Variants in SHANK2 observed in about 807,000 individuals in gnomAD.
SHANK2 encodes the protein SH3 and multiple ankyrin repeat domains protein 2.
In SHANK2, 43 loss-of-function variants were observed where a neutral mutation model predicts 133.7. That is an observed-to-expected ratio of 0.32 (90% CI 0.25 to 0.41). The LOEUF (loss-of-function observed/expected upper bound fraction) is 0.41, where lower values mean the gene tolerates loss of function less well. SHANK2 is among the 10% of genes least tolerant of loss of function. The pLI is 1.00. For missense variants in SHANK2, 1,994 were observed against 2,235.8 expected, an observed-to-expected ratio of 0.89 and a Z score of 2.18; for synonymous variants, 1,017 against 952.8, an observed-to-expected ratio of 1.07 and a Z score of -1.24.
At chr11:70,915,486 C>T (rs913217458) in intron 10 of SHANK2, among the ~76,000 whole-genome samples, 9 of 152,150 alleles carry the variant, frequency 5.9e-5, no homozygotes, top group South Asian at 4.2e-4. Context: ...TGGGAAGGGA[C>T]GGTGCCATCC....
intron 10 of SHANK2, among the ~76,000 whole-genome samples, chr11:70,928,295 A>G (rs118097249): frequency 0.015 from 2,328 of 152,252 alleles, 46 homozygotes; most frequent in Admixed American, 0.032. Flanking sequence ...AAAGGCTTGT[A>G]TGCTTGAAGG....
Position 70,535,412 on chromosome 11 carries a change from TCATC to T in SHANK2, c.2062-32485_2062-32482del, listed in dbSNP as rs1230366339. Among the ~76,000 whole-genome samples the T allele has an allele frequency of 6.6e-6, 1 of 151,786 alleles. No homozygotes were observed. Among genetic ancestry groups the T allele is most frequent in the Non-Finnish European group, 1.5e-5 (1 of 67,930 alleles). ...TCTAACCAGTCCATCCATTTATCCA[TCATC>T]CATCCATCCATCCATCTGCCATCAT... On this transcript the variant is annotated intron_variant, in intron 17 of 25. Transcript: ENST00000601538. The surrounding 1 kb of genome is among the most constrained non-coding windows in gnomAD (Gnocchi z 4.3).
intron 8 of SHANK2, among the ~76,000 whole-genome samples, chr11:71,080,338 G>A (rs997955878): frequency 6.6e-5 from 10 of 151,948 alleles, no homozygotes; most frequent in South Asian, 2.1e-4. Flanking sequence ...CGTCCCACCC[G>A]CCCTGTGCAA....
chr11:71,246,450 T>TATGCA lies in SHANK2; in HGVS notation c.-113+5974_-113+5975insTGCAT, dbSNP rs1555125017. On this transcript the variant is annotated intron_variant, in intron 1 of 25. Coordinates refer to ENST00000601538, the MANE Select transcript of SHANK2 (RefSeq NM_012309.5). ...CCTGGCAGTATGCAGAGCACACACC[T>TATGCA]GGCATCACATGTCACTGCCTTCACG... Among the ~76,000 whole-genome samples, 11 of 152,302 alleles carry TATGCA rather than the reference T, an allele frequency of 7.2e-5. No homozygotes were observed. The East Asian group carries it at 9.7e-4, about 13-fold the overall frequency.
intron 14 of SHANK2, among the ~76,000 whole-genome samples, chr11:70,724,040 T>A (rs1392237451): frequency 3.7e-5 from 1 of 26,846 alleles, no homozygotes; most frequent in Non-Finnish European, 6.6e-5. Flanking sequence ...AAGTTCATTC[T>A]TTTTTTTTTT....
At chr11:70,573,921 G>C (rs2060082831) in intron 17 of SHANK2, among the ~76,000 whole-genome samples, 1 of 152,206 alleles carries the variant, frequency 6.6e-6, no homozygotes, top group Non-Finnish European at 1.5e-5. Flanking sequence ...TGTGGTCTTG[G>C]GCTCCACACC....
intron 17 of SHANK2, chr11:70,647,291 G>A (rs782399577): frequency 1.3e-5 from 2 of 152,130 alleles, no homozygotes; most frequent in African/African-American, 2.4e-5. Flanking sequence ...TGTTCCTTCC[G>A]GCTTTCTGCC....
chr11:70,831,369 CCCCCAAATGAA>C (rs1948722329), intron 11 of SHANK2, among the ~76,000 whole-genome samples: 1 of 152,064 alleles, frequency 6.6e-6, no homozygotes, highest in South Asian at 2.1e-4. Context: ...AAAAGGGTCA[CCCCCAAATGAA>C]CCCCAAACTC....
At chr11:70,637,676 C>T (rs141903532) in intron 17 of SHANK2, among the ~76,000 whole-genome samples, 22 of 152,366 alleles carry the variant, frequency 1.4e-4, no homozygotes, top group African/African-American at 5.3e-4. Context: ...GGCTGGCGCC[C>T]TGGCGAGGGG....
chr11:70,635,968 C>G (rs2061073717), intron 17 of SHANK2, among the ~76,000 whole-genome samples: 1 of 152,264 alleles, frequency 6.6e-6, no homozygotes, highest in Non-Finnish European at 1.5e-5. Context: ...TCCACCCCTC[C>G]CGAATGTTCC....
At chr11:70,757,248 C>G (rs1035668991) in intron 14 of SHANK2, among the ~76,000 whole-genome samples, 1 of 152,242 alleles carries the variant, frequency 6.6e-6, no homozygotes, top group Non-Finnish European at 1.5e-5. Context: ...CATTTATGAG[C>G]TGGCTGACCT....
intron 10 of SHANK2, chr11:70,933,299 G>A (rs782643969): frequency 2.2e-6 from 1 of 454,846 alleles, no homozygotes; most frequent in South Asian, 1.6e-5. Flanking sequence ...AAACTTAAAT[G>A]AGCTCCCTAA....
At chr11:71,109,874 G>A (rs1951864915) in intron 6 of SHANK2, 67 bp downstream of exon 6, 1 of 937,666 alleles carries the variant, frequency 1.1e-6, no homozygotes, top group Admixed American at 2.0e-5. Context: ...CAGGTAGCCT[G>A]AGCAGTGGGC....
At chr11:70,872,982 A>G (rs1555070475) in intron 11 of SHANK2, 1 of 471,170 alleles carries the variant, frequency 2.1e-6, no homozygotes, top group African/African-American at 2.0e-5. Flanking sequence ...CCCAAACATT[A>G]CAAAAGCTAA....
At chr11:70,735,404 A>T (rs1276768881) in intron 14 of SHANK2, among the ~76,000 whole-genome samples, 1 of 152,134 alleles carries the variant, frequency 6.6e-6, no homozygotes, top group Non-Finnish European at 1.5e-5. Flanking sequence ...CTCACCCAGC[A>T]TGATAGAAAA....
intron 24 of SHANK2, among the ~76,000 whole-genome samples, chr11:70,488,860 G>C (rs900583798): frequency 6.6e-6 from 1 of 152,234 alleles, no homozygotes. Flanking sequence ...ACAGCCAGCA[G>C]GGTGGCCTGA....
chr11:70,773,833 T>C (rs1379826917), intron 14 of SHANK2, among the ~76,000 whole-genome samples: 2 of 152,202 alleles, frequency 1.3e-5, no homozygotes, highest in African/African-American at 4.8e-5. Flanking sequence ...ATAATAGGTG[T>C]TGGCGAAGAT....
At chr11:70,635,001 G>A (rs181680865) in intron 17 of SHANK2, 90 of 152,226 alleles carry the variant, frequency 5.9e-4, no homozygotes, top group African/African-American at 2.1e-3. Flanking sequence ...AAACTACAAC[G>A]GGACACCATC....
intron 17 of SHANK2, among the ~76,000 whole-genome samples, chr11:70,512,011 A>G (rs1171007968): frequency 6.6e-6 from 1 of 152,220 alleles, no homozygotes. Context: ...TTTTATATCT[A>G]TCACTCAATC....
Sources: gnomAD v4.1 joint callset for allele counts (sites outside exome capture counted in the v4.1 genomes callset) on GRCh38, gnomAD v4.1.1 for gene constraint, Gnocchi (gnomAD v3.1) non-coding constraint, MANE v1.5 for transcripts, NCBI Gene and HGNC (gene_info 2026-07-23, HGNC 2026-07-21) for gene names.